The following USH2A variants were observed in gnomAD, a reference collection of about 807,000 sequenced individuals.
USH2A encodes the protein Usher syndrome 2A (autosomal recessive, mild).
USH2A carries 443 observed loss-of-function variants against 538.9 expected under a neutral mutation model. That is an observed-to-expected ratio of 0.82 (90% CI 0.76 to 0.89). USH2A has a LOEUF of 0.89. Ranked by LOEUF, USH2A falls within the 40% of genes least tolerant of loss-of-function variation. The probability of loss-of-function intolerance (pLI) is 0.00; values close to 1 mark genes in which losing one functional copy is unlikely to be tolerated. For missense variants in USH2A, 6,633 were observed against 6,324.8 expected, an observed-to-expected ratio of 1.05 and a Z score of -1.65; for synonymous variants, 2,413 against 2,273.5, an observed-to-expected ratio of 1.06 and a Z score of -1.75.
At chr1:216,241,813 T>C (rs1301757131) in intron 13 of USH2A, among the ~76,000 whole-genome samples, 1 of 152,174 alleles carries the variant, frequency 6.6e-6, no homozygotes, top group African/African-American at 2.4e-5. Flanking sequence ...GTTACAGGCA[T>C]GAGCCACCAT....
At chr1:215,880,546 A>T (rs1483626209) in intron 41 of USH2A, among the ~76,000 whole-genome samples, 1 of 152,168 alleles carries the variant, frequency 6.6e-6, no homozygotes, top group Admixed American at 6.5e-5. Flanking sequence ...GATGTGGGGA[A>T]TATTTTTAAA....
At chr1:216,239,514 G>A (rs1222360826) in intron 13 of USH2A, among the ~76,000 whole-genome samples, 2 of 152,208 alleles carry the variant, frequency 1.3e-5, no homozygotes, top group African/African-American at 4.8e-5. Context: ...GTTGGCTGGA[G>A]AGGAAGAAAT....
At chr1:215,835,933 T>C (rs1183215612) in intron 47 of USH2A, among the ~76,000 whole-genome samples, 1 of 152,158 alleles carries the variant, frequency 6.6e-6, no homozygotes. Context: ...TTAATGTTTC[T>C]GTCATCAATT....
rs1467542355 is a variant in USH2A at position 215,888,556 on chromosome 1, T to A, written c.8093A>T (p.Tyr2698Phe). 10 of 1,614,040 alleles carry A rather than the reference T, an allele frequency of 6.2e-6. No homozygotes were observed. Among genetic ancestry groups the A allele is most frequent in the African/African-American group, 2.7e-5 (2 of 74,930 alleles). ...SALSPWTKYEYRVLMSTLHGG... is the reference protein window; with the variant it reads ...SALSPWTKYEFRVLMSTLHGG... The stretch of plus-strand genomic sequence containing the variant: ...ATGAAGAGTGCTCATCAGTACCCGA[T>A]ATTCATATTTTGTCCATGGGCTAAG... Residue 2698 changes from tyrosine (Y) to phenylalanine (F), a missense_variant, in exon 41 of 72, where the codon TAT becomes TTT. Transcript: ENST00000307340.
chr1:215,862,100 AG>A (rs1229401069), intron 44 of USH2A, among the ~76,000 whole-genome samples: 3 of 152,228 alleles, frequency 2.0e-5, no homozygotes, highest in Non-Finnish European at 4.4e-5. Flanking sequence ...GGCCTCCCAA[AG>A]TGCTGGGATT....
At chr1:215,727,140 T>C (rs1353854541) in intron 61 of USH2A, among the ~76,000 whole-genome samples, 1 of 152,168 alleles carries the variant, frequency 6.6e-6, no homozygotes, top group Non-Finnish European at 1.5e-5. Context: ...TAAGCCATAG[T>C]GTATGCAACT....
Position 215,625,605 on chromosome 1 carries a change from T to A in USH2A, c.*176A>T, listed in dbSNP as rs1027125304. The A allele has an allele frequency of 6.8e-5, 44 of 651,324 alleles. No homozygotes were observed. The African/African-American group carries it at 8.0e-4, about 12-fold the overall frequency. 40.3% of individuals were successfully genotyped at this position (651,324 alleles called of 1,614,324 possible). Reference sequence around the variant, plus strand: ...TCTCTCATTTAAGATGAGAAAAATATCATTTCTTAGACCTCTATTAGGAAG... The same window carrying A: ...TCTCTCATTTAAGATGAGAAAAATAACATTTCTTAGACCTCTATTAGGAAG... On this transcript the variant is annotated 3_prime_UTR_variant, in exon 72 of 72. Coordinates refer to ENST00000307340, the MANE Select transcript of USH2A (RefSeq NM_206933.4).
chr1:215,909,264 G>A (rs1326548621), intron 38 of USH2A, among the ~76,000 whole-genome samples: 1 of 151,868 alleles, frequency 6.6e-6, no homozygotes, highest in Non-Finnish European at 1.5e-5. Context: ...GATAAAAAGT[G>A]ATCAGAGTTT....
chr1:216,326,757 T>C (rs1340474211), intron 5 of USH2A, among the ~76,000 whole-genome samples: 1 of 152,166 alleles, frequency 6.6e-6, no homozygotes, highest in Non-Finnish European at 1.5e-5. Flanking sequence ...AAAGCAATGC[T>C]TCTAAATTTA....
At chr1:216,139,504 G>A (rs1233359581) in intron 21 of USH2A, among the ~76,000 whole-genome samples, 1 of 151,826 alleles carries the variant, frequency 6.6e-6, no homozygotes, top group African/African-American at 2.4e-5. Flanking sequence ...TTAACTTACA[G>A]ATTGACTGCT....
chr1:215,900,942 CTG>C (rs1476017016), intron 38 of USH2A, 37 bp from the exon 39 acceptor site: 1 of 1,612,078 alleles, frequency 6.2e-7, no homozygotes, highest in African/African-American at 1.3e-5. Context: ...GCAGAGAAAA[CTG>C]TGGAGAACAT....
intron 62 of USH2A, among the ~76,000 whole-genome samples, chr1:215,677,343 T>C (rs1274422142): frequency 6.6e-6 from 1 of 152,224 alleles, no homozygotes; most frequent in African/African-American, 2.4e-5. Context: ...TGGTTATTTC[T>C]ATTCGTGTTT....
chr1:215,634,663 C>A lies in USH2A; in HGVS notation c.15093G>T (p.Arg5031=), dbSNP rs749877288. 6.2e-7 allele frequency: 1 copy of A among 1,614,274 alleles called. No homozygotes were observed. Among genetic ancestry groups the A allele is most frequent in the Non-Finnish European group, 8.5e-7 (1 of 1,180,058 alleles). ...CGCTGTAGAACTCTGTGCTTTTGCTCCGCGATCCCTTCTTTTTCCCAGGAG... is the reference window on the plus strand; with the variant it reads ...CGCTGTAGAACTCTGTGCTTTTGCTACGCGATCCCTTCTTTTTCCCAGGAG... ...LTTPGKKKGS[R]SKSTEFYSEL... is the part of the protein sequence containing the mutation. Residue 5031 remains arginine, a synonymous_variant, in exon 70 of 72, where the codon CGG becomes CGT. Transcript: ENST00000307340.
chr1:215,771,405 C>A (rs1661280329), intron 55 of USH2A, among the ~76,000 whole-genome samples: 1 of 149,952 alleles, frequency 6.7e-6, no homozygotes. Flanking sequence ...ACGGTGAAAC[C>A]CCGTCTCTAC....
At chr1:215,642,919 T>C (rs149134547) in intron 67 of USH2A, among the ~76,000 whole-genome samples, 2 of 152,306 alleles carry the variant, frequency 1.3e-5, no homozygotes, top group East Asian at 3.9e-4. Context: ...AATGTGTTGT[T>C]AGGCTTCTTC....
At chr1:216,144,178 G>C (rs1172933023) in intron 21 of USH2A, among the ~76,000 whole-genome samples, 2 of 152,158 alleles carry the variant, frequency 1.3e-5, no homozygotes, top group African/African-American at 4.8e-5. Context: ...AAGTGCATCA[G>C]TAGCAATGTA....
intron 65 of USH2A, 31 bp from the exon 66 acceptor site, chr1:215,648,797 A>C (rs1474345224): frequency 1.3e-6 from 2 of 1,592,982 alleles, no homozygotes. Flanking sequence ...AGATAAAGGC[A>C]GTGTCAAACA....
At chr1:215,729,683 T>A (rs529206181) in intron 60 of USH2A, among the ~76,000 whole-genome samples, 5 of 152,294 alleles carry the variant, frequency 3.3e-5, no homozygotes, top group Non-Finnish European at 7.4e-5. Context: ...CAGGCTGGAG[T>A]GCATTGATGC....
At position 215,905,235 on chromosome 1, in the gene USH2A, T is replaced by G. The variant is rs537634447; in HGVS notation, c.7301-4330A>C. ...TATTTTAGGGAGAAAATGAATTCAC[T>G]GTGCTTTCCATATGCACTGAATTCT... On this transcript the variant is annotated intron_variant, in intron 38 of 71. Transcript: ENST00000307340. 1.1e-4 allele frequency among the ~76,000 whole-genome samples: 17 copies of G among 152,192 alleles called. No individual in the cohort carries two copies. In the South Asian group the frequency reaches 3.5e-3, roughly 32 times the overall value.
Sources: gnomAD v4.1 joint callset for allele counts (sites outside exome capture counted in the v4.1 genomes callset) on GRCh38, gnomAD v4.1.1 for gene constraint, MANE v1.5 for transcripts, NCBI Gene and HGNC (gene_info 2026-07-23, HGNC 2026-07-21) for gene names.